R3HDM1: variants seen among roughly 807,000 people sequenced by gnomAD.
R3HDM1 encodes R3H domain containing 1.
Under a neutral mutation model 141.1 loss-of-function variants are expected in R3HDM1, and 46 were observed. The observed-to-expected ratio is 0.33, with a 90% CI of 0.26 to 0.42. R3HDM1 has a LOEUF of 0.42. R3HDM1 is among the 10% of genes least tolerant of loss of function. The probability of loss-of-function intolerance (pLI) is 1.00; values close to 1 mark genes in which losing one functional copy is unlikely to be tolerated. For missense variants in R3HDM1, 1,184 were observed against 1,368.3 expected (o/e 0.87, Z 2.12); for synonymous variants, 435 against 472.9 (o/e 0.92, Z 1.04).
chr2:135,722,330 C>A, intron 25 of R3HDM1, 139 bp from the exon 26 acceptor site: 1 of 826,398 alleles, frequency 1.2e-6, no homozygotes, highest in Non-Finnish European at 1.9e-6. Context: ...CAGGCAGAAT[C>A]CAGAAGGCCT....
intron 1 of R3HDM1, among the ~76,000 whole-genome samples, chr2:135,600,066 G>A (rs1389652545): frequency 2.1e-5 from 3 of 145,072 alleles, no homozygotes; most frequent in East Asian, 4.0e-4. Flanking sequence ...TTAAACTAGT[G>A]CATTAATATT....
intron 1 of R3HDM1, among the ~76,000 whole-genome samples, chr2:135,547,710 G>C (rs369203597): frequency 1.3e-5 from 2 of 150,882 alleles, no homozygotes; most frequent in African/African-American, 2.4e-5. Context: ...TCCCGAGGAA[G>C]GTTGCTTAGG....
chr2:135,709,358 C>CT, intron 21 of R3HDM1, 75 bp from the exon 22 acceptor site: 1 of 1,576,940 alleles, frequency 6.3e-7, no homozygotes, highest in Non-Finnish European at 8.6e-7. Flanking sequence ...CAGGCGTGAG[C>CT]ACCGCGCCCA....
intron 1 of R3HDM1, among the ~76,000 whole-genome samples, chr2:135,579,004 G>C (rs545506563): frequency 2.0e-5 from 3 of 152,232 alleles, no homozygotes; most frequent in Admixed American, 1.3e-4. Context: ...TGTGTATACT[G>C]TACATACACA....
intron 21 of R3HDM1, among the ~76,000 whole-genome samples, chr2:135,683,417 G>C (rs571989029): frequency 6.6e-6 from 1 of 151,852 alleles, no homozygotes; most frequent in Admixed American, 6.6e-5. Flanking sequence ...AGCCGGGCGC[G>C]GTGGTGGGTG....
chr2:135,695,131 A>G (rs1032465724), intron 21 of R3HDM1, among the ~76,000 whole-genome samples: 2 of 152,184 alleles, frequency 1.3e-5, no homozygotes, highest in African/African-American at 4.8e-5. Flanking sequence ...ACCCAAAAGA[A>G]TTAAATTATT....
chr2:135,717,761 T>C (rs2105459410), intron 24 of R3HDM1, among the ~76,000 whole-genome samples: 1 of 152,354 alleles, frequency 6.6e-6, no homozygotes, highest in East Asian at 1.9e-4. Context: ...TGTACAGTGA[T>C]GAAACCGCTT....
At chr2:135,573,524 A>C (rs560158386) in intron 1 of R3HDM1, among the ~76,000 whole-genome samples, 117 of 152,242 alleles carry the variant, frequency 7.7e-4, no homozygotes, top group African/African-American at 2.6e-3. Context: ...CCTAAGTCTG[A>C]AAATTCTTTT....
At chr2:135,615,384 G>C (rs1334852204) in intron 3 of R3HDM1, among the ~76,000 whole-genome samples, 2 of 152,194 alleles carry the variant, frequency 1.3e-5, no homozygotes, top group African/African-American at 4.8e-5. Context: ...TTTGGTGTTG[G>C]GTTTGGGGAG....
At chr2:135,632,344 A>C (rs930093145) in intron 9 of R3HDM1, among the ~76,000 whole-genome samples, 102 of 151,932 alleles carry the variant, frequency 6.7e-4, no homozygotes, top group African/African-American at 2.3e-3. Context: ...AAAAAAAAAA[A>C]ACACAAGAGA....
intron 1 of R3HDM1, among the ~76,000 whole-genome samples, chr2:135,551,978 C>A (rs979242602): frequency 6.6e-6 from 1 of 152,082 alleles, no homozygotes; most frequent in Non-Finnish European, 1.5e-5. Context: ...TGCTTAGAGT[C>A]TAATTGCAAA....
At chr2:135,671,399 C>A (rs973964891) in intron 19 of R3HDM1, among the ~76,000 whole-genome samples, 1 of 151,708 alleles carries the variant, frequency 6.6e-6, no homozygotes, top group Admixed American at 6.6e-5. Flanking sequence ...GATGGAGTTT[C>A]GCTCTTGTCG....
intron 21 of R3HDM1, among the ~76,000 whole-genome samples, chr2:135,699,230 G>A (rs2073896164): frequency 6.6e-6 from 1 of 152,160 alleles, no homozygotes; most frequent in Non-Finnish European, 1.5e-5. Flanking sequence ...AATAGAGACA[G>A]CCTTTGAAGA....
At chr2:135,671,613 C>A (rs960645990) in intron 19 of R3HDM1, among the ~76,000 whole-genome samples, 11 of 151,738 alleles carry the variant, frequency 7.2e-5, no homozygotes, top group Non-Finnish European at 1.6e-4. Context: ...AGGTGATCTA[C>A]CCACCTCGGC....
chr2:135,550,006 T>C (rs1370819842), intron 1 of R3HDM1: 2 of 972,976 alleles, frequency 2.1e-6, no homozygotes, highest in Admixed American at 6.2e-5. Context: ...CAGTTCTACT[T>C]TTCATAGCTT....
chr2:135,600,269 A>T (rs1406005736), intron 1 of R3HDM1, among the ~76,000 whole-genome samples: 1 of 152,068 alleles, frequency 6.6e-6, no homozygotes, highest in African/African-American at 2.4e-5. Flanking sequence ...TTTAATATTC[A>T]ATTAGAAGCC....
At chr2:135,692,789 C>T (rs1256578704) in intron 21 of R3HDM1, among the ~76,000 whole-genome samples, 1 of 152,096 alleles carries the variant, frequency 6.6e-6, no homozygotes, top group Non-Finnish European at 1.5e-5. Flanking sequence ...CAGGTGGTGG[C>T]ACCCTCAGCT....
chr2:135,546,915 G>A (rs1182799022), intron 1 of R3HDM1, among the ~76,000 whole-genome samples: 1 of 152,090 alleles, frequency 6.6e-6, no homozygotes, highest in Non-Finnish European at 1.5e-5. Context: ...CAAGTGATCT[G>A]CCTGCCTTAG....
intron 1 of R3HDM1, among the ~76,000 whole-genome samples, chr2:135,559,755 C>G (rs765371205): frequency 3.9e-5 from 6 of 152,172 alleles, no homozygotes; most frequent in African/African-American, 7.2e-5. Context: ...AAGGAACTGT[C>G]TATCTCCATG....
Sources: allele counts gnomAD v4.1 joint callset (sites outside exome capture counted in the v4.1 genomes callset), GRCh38; gene constraint gnomAD v4.1.1; transcripts MANE v1.5; gene names NCBI Gene and HGNC (gene_info 2026-07-23, HGNC 2026-07-21).